MLIP: variants seen among roughly 807,000 people sequenced by gnomAD.
MLIP encodes muscular LMNA-interacting protein.
Under a neutral mutation model 84.8 loss-of-function variants are expected in MLIP, and 79 were observed. The observed-to-expected ratio is 0.93, with a 90% confidence interval of 0.78 to 1.12. The LOEUF (loss-of-function observed/expected upper bound fraction) is 1.12. MLIP is among the 50% of genes most tolerant of loss of function. MLIP has a pLI of 0.00. For synonymous variants in MLIP, 504 were observed against 463.0 expected, an observed-to-expected ratio of 1.09 and a Z score of -1.14; for missense variants, 1,257 against 1,160.6, an observed-to-expected ratio of 1.08 and a Z score of -1.21.
At chr6:54,048,997 G>A (rs1765228563) in intron 1 of MLIP, among the ~76,000 whole-genome samples, 3 of 152,128 alleles carry the variant, frequency 2.0e-5, no homozygotes, top group South Asian at 4.1e-4. Context: ...GATGTCCTGG[G>A]TCATCTGGCT....
In MLIP at chr6:54,217,392, T is replaced by C. The variant is rs193284149; in HGVS notation, c.2719-13322T>C. 6.5e-3 allele frequency: 6,407 copies of C among 985,462 alleles called. 36 individuals are homozygous for C. The highest frequency in any genetic ancestry group is 7.1e-3 in the Non-Finnish European group (5,875 of 829,938). 61.0% of individuals were successfully genotyped at this position (985,462 alleles called of 1,614,324 possible). ...AAACAGTTTTTGAAGTTAAACAGTATGATTTGATGGTTGAGTAGAAAGTAG... is the reference window on the plus strand; with the variant it reads ...AAACAGTTTTTGAAGTTAAACAGTACGATTTGATGGTTGAGTAGAAAGTAG... On this transcript the variant is annotated intron_variant, in intron 11 of 13. Transcript: ENST00000502396.
At chr6:54,172,982 G>A (rs549107390) in intron 9 of MLIP, among the ~76,000 whole-genome samples, 2 of 151,798 alleles carry the variant, frequency 1.3e-5, no homozygotes, top group Non-Finnish European at 3.0e-5. Flanking sequence ...AATAGGGAGT[G>A]AGCCTTAGGT....
At chr6:54,111,433 T>C, upstream of MLIP, 4 of 1,535,174 alleles carry the variant, frequency 2.6e-6, no homozygotes, top group Middle Eastern at 1.7e-4. Context: ...TGAGGCTCCC[T>C]TCCCACCTCA....
chr6:54,197,208 A>C (rs1468136410), intron 10 of MLIP, among the ~76,000 whole-genome samples: 1 of 152,068 alleles, frequency 6.6e-6, no homozygotes, highest in African/African-American at 2.4e-5. Context: ...CTCAGTAAAA[A>C]GGTGAGGCAT....
chr6:54,059,819 T>C (rs1443741866), intron 1 of MLIP, among the ~76,000 whole-genome samples: 1 of 152,220 alleles, frequency 6.6e-6, no homozygotes, highest in Admixed American at 6.5e-5. Flanking sequence ...ACTTTGTGTG[T>C]TATCTATTAC....
chr6:54,063,070 G>A (rs1332618344), intron 1 of MLIP, among the ~76,000 whole-genome samples: 1 of 152,038 alleles, frequency 6.6e-6, no homozygotes, highest in Non-Finnish European at 1.5e-5. Flanking sequence ...TCCGGTCGTG[G>A]TGGCGTACGC....
At chr6:54,070,727 T>G (rs1332333228) in intron 1 of MLIP, among the ~76,000 whole-genome samples, 1 of 152,246 alleles carries the variant, frequency 6.6e-6, no homozygotes, top group Non-Finnish European at 1.5e-5. Flanking sequence ...GTCTTCTTTT[T>G]AGCATATTGT....
intron 12 of MLIP, among the ~76,000 whole-genome samples, chr6:54,251,976 A>T (rs1442084614): frequency 2.9e-4 from 25 of 87,378 alleles, no homozygotes; most frequent in African/African-American, 1.2e-3. Flanking sequence ...TTATAACATA[A>T]TATATAATAT....
At chr6:54,240,678 GA>G (rs1669402305) in intron 12 of MLIP, among the ~76,000 whole-genome samples, 1 of 152,118 alleles carries the variant, frequency 6.6e-6, no homozygotes, top group African/African-American at 2.4e-5. Flanking sequence ...GGGAGCTTTA[GA>G]AAAGTGCAGA....
In MLIP at chr6:54,266,067, T is replaced by A. The variant is rs1783667348; in HGVS notation, c.*112T>A. The A allele has an allele frequency of 9.5e-7, 1 of 1,048,290 alleles. No individual in the cohort carries two copies. Among genetic ancestry groups the A allele is most frequent in the Admixed American group, 2.1e-5 (1 of 48,100 alleles). The allele number at this position is 1,048,290 out of a possible 1,614,324, so 64.9% of individuals were successfully genotyped here. A position where few individuals can be genotyped will look rare whatever the true frequency, so the allele number is the denominator to read the frequency against. On this transcript the variant is annotated 3_prime_UTR_variant, in exon 14 of 14. Transcript: ENST00000502396. ...TTTTCCAGAATGAGTGCTCCCTTTA[T>A]GAGCTGCAGTGCAGCAGAACCAAAA...
chr6:54,063,255 T>C (rs1022060151), intron 1 of MLIP: 1 of 152,010 alleles, frequency 6.6e-6, no homozygotes, highest in African/African-American at 2.4e-5. Context: ...TGTAAGGTCT[T>C]TTTCTACTTA....
At chr6:54,071,841 C>A (rs1466817815) in intron 1 of MLIP, among the ~76,000 whole-genome samples, 1 of 152,180 alleles carries the variant, frequency 6.6e-6, no homozygotes, top group Non-Finnish European at 1.5e-5. Flanking sequence ...GCCTACTGCA[C>A]ATGAAACATT....
chr6:54,148,860 G>A (rs570269716), intron 4 of MLIP, among the ~76,000 whole-genome samples, 196 bp from the exon 5 acceptor site: 2 of 152,244 alleles, frequency 1.3e-5, no homozygotes, highest in Admixed American at 6.5e-5. Flanking sequence ...TTTTACTGTG[G>A]CATTTCTTCG....
At chr6:54,094,570 T>C (rs1768081211) in intron 1 of MLIP, among the ~76,000 whole-genome samples, 1 of 151,772 alleles carries the variant, frequency 6.6e-6, no homozygotes, top group Non-Finnish European at 1.5e-5. Flanking sequence ...CCTGGGAAAA[T>C]ATATTTGTCT....
chr6:54,022,322 A>G (rs1186149371), intron 1 of MLIP, among the ~76,000 whole-genome samples: 1 of 152,256 alleles, frequency 6.6e-6, no homozygotes, highest in Admixed American at 6.5e-5. Context: ...TCACTGTAAT[A>G]TATTTTAATG....
At chr6:54,248,615 G>A (rs1040929152) in intron 12 of MLIP, among the ~76,000 whole-genome samples, 2 of 152,116 alleles carry the variant, frequency 1.3e-5, no homozygotes, top group African/African-American at 4.8e-5. Flanking sequence ...CCCTTACACT[G>A]ATGTCTAGAA....
intron 1 of MLIP, among the ~76,000 whole-genome samples, chr6:54,036,218 T>G (rs1764428100): frequency 6.8e-6 from 1 of 148,124 alleles, no homozygotes; most frequent in Non-Finnish European, 1.5e-5. Flanking sequence ...TTTATTTTCC[T>G]GTGATTTTAG....
At chr6:54,058,765 G>C (rs561506611) in intron 1 of MLIP, among the ~76,000 whole-genome samples, 2 of 152,258 alleles carry the variant, frequency 1.3e-5, no homozygotes, top group Admixed American at 1.3e-4. Flanking sequence ...TAGTGACATT[G>C]GACCCTCAAA....
At chr6:54,209,135 T>A (rs1377141341) in intron 11 of MLIP, among the ~76,000 whole-genome samples, 1 of 152,206 alleles carries the variant, frequency 6.6e-6, no homozygotes, top group Non-Finnish European at 1.5e-5. Context: ...TATTTTAAAA[T>A]GTGTGTTATA....
Sources: allele counts gnomAD v4.1 joint callset (sites outside exome capture counted in the v4.1 genomes callset), GRCh38; gene constraint gnomAD v4.1.1; transcripts MANE v1.5; gene names NCBI Gene and HGNC (gene_info 2026-07-23, HGNC 2026-07-21).